SLC9A2: variants seen among roughly 807,000 people sequenced by gnomAD.
SLC9A2 encodes the protein sodium/hydrogen exchanger 2.
SLC9A2 carries 42 observed loss-of-function variants against 71.7 expected under a neutral mutation model. The observed-to-expected ratio is 0.59, with a 90% CI of 0.46 to 0.76. The LOEUF is 0.76. SLC9A2 is among the 30% of genes least tolerant of loss of function. SLC9A2 has a pLI of 0.00. For missense variants in SLC9A2, 829 were observed against 1,017.4 expected (o/e 0.81, Z 2.52); for synonymous variants, 396 against 392.5 (o/e 1.01, Z -0.10).
At chr2:102,688,727 AAAAC>A (rs374532862) in intron 5 of SLC9A2, among the ~76,000 whole-genome samples, 12 of 152,204 alleles carry the variant, frequency 7.9e-5, no homozygotes, top group South Asian at 4.1e-4. Flanking sequence ...ACTCTGTCTC[AAAAC>A]AAACAAACAA....
At chr2:102,653,741 G>A (rs370959728) in intron 1 of SLC9A2, among the ~76,000 whole-genome samples, 1 of 152,248 alleles carries the variant, frequency 6.6e-6, no homozygotes, top group Non-Finnish European at 1.5e-5. Context: ...AAAGAAAAAG[G>A]TGAAAGAGGA....
chr2:102,625,971 C>T (rs1488947579), intron 1 of SLC9A2, among the ~76,000 whole-genome samples: 1 of 152,214 alleles, frequency 6.6e-6, no homozygotes, highest in Non-Finnish European at 1.5e-5. Flanking sequence ...TTCACATCCT[C>T]TCTAGCACCT....
At chr2:102,673,846 G>A (rs186781009) in intron 3 of SLC9A2, among the ~76,000 whole-genome samples, 1 of 151,430 alleles carries the variant, frequency 6.6e-6, no homozygotes, top group Non-Finnish European at 1.5e-5. Flanking sequence ...GAGTATAGTG[G>A]CGTGATCTTG....
chr2:102,657,941 C>CT lies in SLC9A2; in HGVS notation c.669dup (p.Ala224CysfsTer4). The stretch of plus-strand genomic sequence containing the variant: ...CTCAGCTGTCGATCCTGTGGCTGTG[C>CT]TTGCTGTCTTTGAGAACATTCACGT... On this transcript the variant is annotated frameshift_variant, in exon 2 of 12. Coordinates refer to ENST00000233969, the MANE Select transcript of SLC9A2 (RefSeq NM_003048.6). LOFTEE classifies it high-confidence loss of function. 6.2e-7 allele frequency: 1 copy of CT among 1,614,166 alleles called. No individual in the cohort carries two copies. Among genetic ancestry groups the CT allele is most frequent in the Non-Finnish European group, 8.5e-7 (1 of 1,180,036 alleles).
chr2:102,696,758 G>T (rs1051991100), intron 7 of SLC9A2, among the ~76,000 whole-genome samples: 1 of 152,198 alleles, frequency 6.6e-6, no homozygotes, highest in African/African-American at 2.4e-5. Flanking sequence ...AAAGGAAAAA[G>T]ATTTTGTTTG....
chr2:102,645,544 A>C (rs1676704632), intron 1 of SLC9A2, among the ~76,000 whole-genome samples: 1 of 152,090 alleles, frequency 6.6e-6, no homozygotes, highest in Admixed American at 6.5e-5. Flanking sequence ...CAAGGAAGCT[A>C]AGAGCCTTGA....
intron 7 of SLC9A2, among the ~76,000 whole-genome samples, chr2:102,696,190 C>T (rs1029392153): frequency 1.3e-5 from 2 of 152,066 alleles, no homozygotes; most frequent in African/African-American, 4.8e-5. Context: ...GGGCTTATAT[C>T]ATGGAACTGA....
intron 11 of SLC9A2, among the ~76,000 whole-genome samples, chr2:102,706,937 C>A (rs1271566816): frequency 1.3e-5 from 2 of 152,142 alleles, no homozygotes; most frequent in Non-Finnish European, 2.9e-5. Flanking sequence ...CCCAGAAGAA[C>A]TATATTAGGA....
chr2:102,684,162 T>C lies in SLC9A2; in HGVS notation c.1251T>C (p.Asn417=). ...TTTTTGTCCTGACTCAGGTCATTAA[T>C]AGGTTCCGGACCATTCCCCTGACCT... ...LGVFVLTQVI[N]RFRTIPLTFK... is the part of the protein sequence containing the mutation. Residue 417 remains asparagine (N), a synonymous_variant, in exon 5 of 12, where the codon AAT becomes AAC. Transcript: ENST00000233969. The C allele has an allele frequency of 1.2e-6, 2 of 1,614,166 alleles. No individual in the cohort carries two copies. Among genetic ancestry groups the C allele is most frequent in the South Asian group, 1.1e-5 (1 of 91,090 alleles).
chr2:102,685,873 G>A (rs1041094164), intron 5 of SLC9A2, among the ~76,000 whole-genome samples: 23 of 152,202 alleles, frequency 1.5e-4, no homozygotes, highest in African/African-American at 5.3e-4. Context: ...CAGAGAATTG[G>A]TATTTGAAGC....
chr2:102,689,645 A>G (rs1449299461), intron 5 of SLC9A2: 1 of 152,222 alleles, frequency 6.6e-6, no homozygotes, highest in African/African-American at 2.4e-5. Flanking sequence ...AATTTAGAAT[A>G]CTTTACAACA....
rs1342992752 is a variant in SLC9A2, at chr2:102,657,829, G to A, written c.555G>A (p.Gly185=). The change falls in exon 2 of 12, where the codon GGG becomes GGA. Residue 185 remains glycine, a synonymous_variant. Transcript: ENST00000233969. ...VGTLWNSIGI[G]VSLFGICQIE... ...CACTTTGGAATTCCATTGGCATTGG[G>A]GTGTCTTTGTTTGGTATCTGCCAGA... is the stretch of plus-strand genomic sequence containing the variant. 1.4e-5 allele frequency: 22 copies of A among 1,614,074 alleles called. No individual in the cohort carries two copies. The highest frequency in any genetic ancestry group is 4.5e-5 in the East Asian group (2 of 44,904).
intron 5 of SLC9A2, among the ~76,000 whole-genome samples, chr2:102,691,736 G>A (rs554160690): frequency 6.6e-6 from 1 of 152,216 alleles, no homozygotes; most frequent in Non-Finnish European, 1.5e-5. Context: ...AAAAACTTGA[G>A]TTGATGGGGT....
intron 3 of SLC9A2, among the ~76,000 whole-genome samples, chr2:102,680,987 T>C (rs896254401): frequency 3.3e-5 from 5 of 152,216 alleles, no homozygotes; most frequent in Admixed American, 2.0e-4. Flanking sequence ...AAAAGCTTTG[T>C]CACCACCTTG....
At chr2:102,641,742 C>CT (rs550364734) in intron 1 of SLC9A2, among the ~76,000 whole-genome samples, 4 of 152,038 alleles carry the variant, frequency 2.6e-5, no homozygotes, top group Middle Eastern at 3.4e-3. Context: ...TTGCTGTGTC[C>CT]TTAGTGCCTG....
intron 2 of SLC9A2, among the ~76,000 whole-genome samples, chr2:102,662,974 A>T (rs1406552959): frequency 6.6e-6 from 1 of 152,128 alleles, no homozygotes; most frequent in Non-Finnish European, 1.5e-5. Flanking sequence ...GCAGAAGCAG[A>T]TGGCTGGGAA....
intron 1 of SLC9A2, among the ~76,000 whole-genome samples, chr2:102,623,121 G>T (rs1239050185): frequency 2.0e-5 from 3 of 152,092 alleles, no homozygotes; most frequent in Non-Finnish European, 4.4e-5. Context: ...GCCAGTTTCG[G>T]CTTTCCCCTG....
intron 1 of SLC9A2, among the ~76,000 whole-genome samples, chr2:102,624,350 T>C (rs537774591): frequency 1.1e-4 from 17 of 152,342 alleles, no homozygotes; most frequent in Non-Finnish European, 1.9e-4. Flanking sequence ...TTTATAGTTA[T>C]AAGTACACAC....
At chr2:102,627,906 C>T (rs1025613163) in intron 1 of SLC9A2, among the ~76,000 whole-genome samples, 4 of 152,042 alleles carry the variant, frequency 2.6e-5, no homozygotes, top group Non-Finnish European at 5.9e-5. Context: ...AGTTTCTCTG[C>T]TGGTATTTTT....
Sources: gnomAD v4.1 joint callset for allele counts (sites outside exome capture counted in the v4.1 genomes callset) on GRCh38, gnomAD v4.1.1 for gene constraint, MANE v1.5 for transcripts, NCBI Gene and HGNC (gene_info 2026-07-23, HGNC 2026-07-21) for gene names.